LSAMP: variants seen among roughly 807,000 people sequenced by gnomAD.
LSAMP encodes the protein limbic system-associated membrane protein.
In LSAMP, 7 loss-of-function variants were observed where a neutral mutation model predicts 38.6. The observed-to-expected ratio is 0.18, with a 90% CI of 0.10 to 0.34. The LOEUF (loss-of-function observed/expected upper bound fraction) is 0.34, where lower values mean the gene tolerates loss of function less well. LSAMP is among the 10% of genes least tolerant of loss of function. The probability of loss-of-function intolerance (pLI) is 1.00; values close to 1 mark genes in which losing one functional copy is unlikely to be tolerated. For missense variants in LSAMP, 313 were observed against 420.0 expected (o/e 0.75, Z 2.23); for synonymous variants, 154 against 166.8 (o/e 0.92, Z 0.59).
intron 1 of LSAMP, among the ~76,000 whole-genome samples, chr3:116,372,071 G>A (rs961363808): frequency 3.7e-4 from 56 of 151,962 alleles, no homozygotes; most frequent in Non-Finnish European, 5.4e-4. Context: ...CAGATTGAAA[G>A]ACAACACTAT....
Position 115,883,375 on chromosome 3 carries a change from G to A in LSAMP, c.515-30758C>T, listed in dbSNP as rs1291800447. On this transcript the variant is annotated intron_variant, in intron 3 of 6. Transcript: ENST00000490035. The stretch of plus-strand genomic sequence containing the variant: ...ACAGAGAGTGAGGATCAATAATAAG[G>A]AACACAGAGGAGCCTTAGTAGATGT... Among the ~76,000 whole-genome samples, 3 of 152,050 alleles carry A rather than the reference G, an allele frequency of 2.0e-5. No individual in the cohort carries two copies. In the East Asian group the frequency reaches 5.8e-4, roughly 29 times the overall value.
At chr3:115,963,913 C>G (rs1421234712) in intron 3 of LSAMP, among the ~76,000 whole-genome samples, 2 of 152,048 alleles carry the variant, frequency 1.3e-5, no homozygotes, top group African/African-American at 4.8e-5. Context: ...ACCACCACAC[C>G]TGGCTATTTT....
intron 3 of LSAMP, among the ~76,000 whole-genome samples, chr3:115,924,066 C>T (rs1037918177): frequency 1.3e-5 from 2 of 151,768 alleles, no homozygotes; most frequent in African/African-American, 4.8e-5. Context: ...AGCAGTTTTG[C>T]AACTTTAACT....
At chr3:116,183,331 A>G (rs1426200418) in intron 1 of LSAMP, among the ~76,000 whole-genome samples, 1 of 151,922 alleles carries the variant, frequency 6.6e-6, no homozygotes, top group Non-Finnish European at 1.5e-5. Context: ...TATTGCATGG[A>G]AGGCACAGCA....
At chr3:116,177,497 A>G (rs1710376516) in intron 1 of LSAMP, among the ~76,000 whole-genome samples, 1 of 152,146 alleles carries the variant, frequency 6.6e-6, no homozygotes, top group Non-Finnish European at 1.5e-5. Context: ...AGTTTTCACA[A>G]TGTAGCCACA....
At chr3:116,132,438 AC>A (rs78970005) in intron 1 of LSAMP, among the ~76,000 whole-genome samples, 2 of 104,380 alleles carry the variant, frequency 1.9e-5, no homozygotes, top group African/African-American at 2.8e-5. Context: ...CCACTGCTCC[AC>A]CCCTGAGGGA....
chr3:116,167,466 T>A (rs1266015169), intron 1 of LSAMP, among the ~76,000 whole-genome samples: 2 of 152,184 alleles, frequency 1.3e-5, no homozygotes, highest in East Asian at 3.8e-4. Flanking sequence ...TGAATTGAAA[T>A]GAGAAAGGAT....
At chr3:116,110,508 G>T (rs987918575) in intron 1 of LSAMP, among the ~76,000 whole-genome samples, 1 of 152,174 alleles carries the variant, frequency 6.6e-6, no homozygotes, top group East Asian at 1.9e-4. Flanking sequence ...CGGATAAAAC[G>T]TGTCTCCTTT....
chr3:116,141,493 G>A (rs1210225973), intron 1 of LSAMP, among the ~76,000 whole-genome samples: 2 of 151,900 alleles, frequency 1.3e-5, no homozygotes, highest in East Asian at 1.9e-4. Context: ...TATACTCTGC[G>A]ATTTTCGTTT....
intron 2 of LSAMP, among the ~76,000 whole-genome samples, chr3:116,072,236 A>G (rs1707624035): frequency 6.6e-6 from 1 of 151,976 alleles, no homozygotes; most frequent in African/African-American, 2.4e-5. Flanking sequence ...CGGCCTCCCA[A>G]AGTGCTGGGA....
At chr3:116,254,403 T>TAAA (rs2046723871) in intron 1 of LSAMP, among the ~76,000 whole-genome samples, 2 of 152,064 alleles carry the variant, frequency 1.3e-5, no homozygotes, top group Non-Finnish European at 2.9e-5. Context: ...GAGAAAAAAA[T>TAAA]TAAAGAAAGA....
intron 6 of LSAMP, among the ~76,000 whole-genome samples, chr3:115,822,212 A>C (rs1465684291): frequency 6.6e-6 from 1 of 152,148 alleles, no homozygotes; most frequent in Non-Finnish European, 1.5e-5. Flanking sequence ...ATATTTCTAG[A>C]ATAATGTTTT....
intron 6 of LSAMP, among the ~76,000 whole-genome samples, chr3:115,840,291 A>C (rs1482018480): frequency 6.6e-6 from 1 of 152,180 alleles, no homozygotes; most frequent in Non-Finnish European, 1.5e-5. Context: ...TGTTCTGCTT[A>C]ACCAGGTCAA....
At chr3:116,198,020 C>G (rs1436658479) in intron 1 of LSAMP, among the ~76,000 whole-genome samples, 1 of 152,030 alleles carries the variant, frequency 6.6e-6, no homozygotes, top group African/African-American at 2.4e-5. Context: ...CATGGAGATA[C>G]AGATATATCT....
chr3:115,857,372 C>T (rs976947234), intron 3 of LSAMP, among the ~76,000 whole-genome samples: 9 of 152,158 alleles, frequency 5.9e-5, no homozygotes, highest in Admixed American at 2.0e-4. Flanking sequence ...CAGGGTCCTA[C>T]CAATAATGTC....
chr3:115,874,455 T>C (rs1936130934), intron 3 of LSAMP, among the ~76,000 whole-genome samples: 1 of 152,182 alleles, frequency 6.6e-6, no homozygotes, highest in Admixed American at 6.5e-5. Context: ...AATCAGGCTG[T>C]ACTATCATCA....
rs140959468 is a variant in LSAMP, at chr3:116,096,508, G to A, written c.156-9952C>T. ...TTCTAGCCCACAGAATTTAAATCAAGAGCAGGATGATGCAGCATGGTTATA... is the reference window on the plus strand; with the variant it reads ...TTCTAGCCCACAGAATTTAAATCAAAAGCAGGATGATGCAGCATGGTTATA... On this transcript the variant is annotated intron_variant, in intron 1 of 6. Coordinates refer to ENST00000490035, the MANE Select transcript of LSAMP (RefSeq NM_002338.5). Among the ~76,000 whole-genome samples, 15 of 152,290 alleles carry A rather than the reference G, an allele frequency of 9.8e-5. No individual in the cohort carries two copies. The East Asian group carries it at 2.9e-3, about 29-fold the overall frequency.
At chr3:116,383,118 T>C (rs956086058) in intron 1 of LSAMP, among the ~76,000 whole-genome samples, 3 of 152,164 alleles carry the variant, frequency 2.0e-5, no homozygotes, top group African/African-American at 7.2e-5. Context: ...GGTAATTTAT[T>C]ATTGAAGAGA....
intron 1 of LSAMP, among the ~76,000 whole-genome samples, chr3:116,087,921 T>C (rs1708029056): frequency 6.7e-6 from 1 of 150,160 alleles, no homozygotes; most frequent in African/African-American, 2.5e-5. Flanking sequence ...TTGAGACAGA[T>C]CTTGTTCGGT....
Sources: gnomAD v4.1 joint callset for allele counts (sites outside exome capture counted in the v4.1 genomes callset) on GRCh38, gnomAD v4.1.1 for gene constraint, MANE v1.5 for transcripts, NCBI Gene and HGNC (gene_info 2026-07-23, HGNC 2026-07-21) for gene names.